BRWD1: variants seen among roughly 807,000 people sequenced by gnomAD.
The protein encoded by BRWD1 is bromodomain and WD repeat domain containing 1, also known as bromodomain and WD repeat-containing protein 1.
A neutral mutation model predicts 251.2 loss-of-function variants in BRWD1; 82 were observed. That is an observed-to-expected ratio of 0.33 (90% CI 0.27 to 0.39). BRWD1 has a LOEUF of 0.39. BRWD1 is among the 10% of genes least tolerant of loss of function. BRWD1 has a pLI of 1.00. For missense variants in BRWD1, 2,233 were observed against 2,711.6 expected (o/e 0.82, Z 3.92); for synonymous variants, 918 against 902.8 (o/e 1.02, Z -0.30).
chr21:39,316,956 A>G (rs2036705334), upstream of BRWD1: 1 of 152,192 alleles, frequency 6.6e-6, no homozygotes, highest in African/African-American at 2.4e-5. Context: ...AGACACGATG[A>G]CATGAGTTTT....
chr21:39,269,664 T>A (rs943353992), intron 15 of BRWD1, among the ~76,000 whole-genome samples: 1 of 152,204 alleles, frequency 6.6e-6, no homozygotes, highest in African/African-American at 2.4e-5. Flanking sequence ...CACAGGCACA[T>A]AAAATGCTCA....
intron 4 of BRWD1, among the ~76,000 whole-genome samples, chr21:39,304,830 T>A (rs1449873766): frequency 1.3e-5 from 2 of 151,844 alleles, no homozygotes; most frequent in African/African-American, 4.8e-5. Context: ...AAGATTATAA[T>A]GAATAAAGCA....
chr21:39,301,395 T>C (rs1368582581), intron 4 of BRWD1, among the ~76,000 whole-genome samples: 1 of 152,186 alleles, frequency 6.6e-6, no homozygotes, highest in African/African-American at 2.4e-5. Context: ...AGCTTTCATC[T>C]TTTGATAACT....
At chr21:39,257,067 T>A (rs908461022) in intron 18 of BRWD1, among the ~76,000 whole-genome samples, 2 of 152,104 alleles carry the variant, frequency 1.3e-5, no homozygotes, top group Admixed American at 6.6e-5. Context: ...AGCATTATTC[T>A]CCAACAATCT....
Position 39,278,803 on chromosome 21 carries a change from G to A in BRWD1, c.943C>T (p.Leu315=). The change falls in exon 10 of 41, where the codon CTG becomes TTG. Residue 315 remains leucine (L), a synonymous_variant. Coordinates refer to ENST00000342449, the MANE Select transcript of BRWD1 (RefSeq NM_033656.4). ...GGCCTAGGCTTTTCAGTGAACTTCA[G>A]GGGACGTGGGCTTTAAAAGAAGAAG... ...LESLKFSPRP[L]KFTEKPRPGV... is the part of the protein sequence containing the mutation. The A allele has an allele frequency of 2.5e-6, 4 of 1,592,808 alleles. No homozygotes were observed. The highest frequency in any genetic ancestry group is 3.4e-6 in the Non-Finnish European group (4 of 1,171,458).
chr21:39,198,889 T>C lies in BRWD1; in HGVS notation c.5527A>G (p.Asn1843Asp), dbSNP rs1393565629. ...CAGTTCAGATTTCCTGAAATTGGGT[T>C]CATTTCCATTTTATGACATTTCCCA... ...EDGKCHKMEM[N>D]PISGNLNCDP... Residue 1843 changes from asparagine to aspartate, a missense_variant, in exon 40 of 41, where the codon AAC becomes GAC. Transcript: ENST00000342449. 9.9e-6 allele frequency: 16 copies of C among 1,614,108 alleles called. No individual in the cohort carries two copies. The highest frequency in any genetic ancestry group is 1.4e-5 in the Non-Finnish European group (16 of 1,180,042).
intron 29 of BRWD1, chr21:39,219,653 A>G (rs1295041594): frequency 1.3e-5 from 2 of 152,250 alleles, no homozygotes; most frequent in Admixed American, 1.3e-4. Flanking sequence ...AAACATATCC[A>G]TTAAGATTCC....
At position 39,202,486 on chromosome 21, in the gene BRWD1, G is replaced by A; in HGVS notation, c.4424C>T (p.Ser1475Phe). 6.2e-7 allele frequency: 1 copy of A among 1,613,912 alleles called. No individual in the cohort carries two copies. The highest frequency in any genetic ancestry group is 8.5e-7 in the Non-Finnish European group (1 of 1,179,848). ...QTKIIPELVG[S>F]PTQSTSSRTA... is the part of the protein sequence containing the mutation. ...CCTACTTGAGGTAGACTGGGTAGGAGAACCTACCAACTCAGGAATTATTTT... is the reference window on the plus strand; with the variant it reads ...CCTACTTGAGGTAGACTGGGTAGGAAAACCTACCAACTCAGGAATTATTTT... The change falls in exon 38 of 41, where the codon TCT (serine) becomes TTT (phenylalanine). Residue 1475 changes from serine (S) to phenylalanine (F), a missense_variant. By Grantham distance (155) the Ser-to-Phe change is radical. This residue lies in a region of BRWD1 where 928 missense variants were observed against 970.0 expected (regional missense o/e 0.96). Coordinates refer to ENST00000342449, the MANE Select transcript of BRWD1 (RefSeq NM_033656.4).
In BRWD1 at chr21:39,250,912, A is replaced by G. The variant is rs193036944; in HGVS notation, c.2256-23T>C. 2.8e-6 allele frequency: 4 copies of G among 1,421,602 alleles called. No individual in the cohort carries two copies. The South Asian group carries it at 3.7e-5, about 13-fold the overall frequency. The allele number at this position is 1,421,602 out of a possible 1,614,324, so 88.1% of individuals were successfully genotyped here. Reference sequence around the variant, plus strand: ...TTCCTACAAATTTAAATACCCAGTTATATTAACTACTGAACTGATGGATAA... The same window carrying G: ...TTCCTACAAATTTAAATACCCAGTTGTATTAACTACTGAACTGATGGATAA... On this transcript the variant is annotated intron_variant, in intron 19 of 40. Transcript: ENST00000342449.
Position 39,199,234 on chromosome 21 carries a change from C to A in BRWD1, c.5182G>T (p.Val1728Leu). 4.3e-6 allele frequency: 7 copies of A among 1,614,162 alleles called. No individual in the cohort carries two copies. The highest frequency in any genetic ancestry group is 5.9e-6 in the Non-Finnish European group (7 of 1,180,034). Residue 1728 changes from valine (V) to leucine (L), a missense_variant, in exon 40 of 41, where the codon GTA (valine) becomes TTA (leucine). Transcript: ENST00000342449. ...RDSESESDLR[V>L]ARKNWHANGY... ...TTAGCATGCCAATTTTTCCGGGCTA[C>A]CCGCAAATCACTTTCTGACTCTGAG...
rs2031307182 is a variant in BRWD1 at position 39,187,481 on chromosome 21, T to C, written c.*8778A>G. The C allele has an allele frequency of 2.0e-6, 3 of 1,494,824 alleles. No homozygotes were observed. In the East Asian group the frequency reaches 6.9e-5, roughly 34 times the overall value. 92.6% of individuals were successfully genotyped at this position (1,494,824 alleles called of 1,614,324 possible). On this transcript the variant is annotated 3_prime_UTR_variant, in exon 41 of 41. Coordinates refer to ENST00000342449, the MANE Select transcript of BRWD1 (RefSeq NM_033656.4). Reference sequence around the variant, plus strand: ...TTGTAACACAAGATTTTACTACTGCTAACATTCCTCAACAACACTCATTCG... The same window carrying C: ...TTGTAACACAAGATTTTACTACTGCCAACATTCCTCAACAACACTCATTCG...
At chr21:39,255,570 T>C in intron 19 of BRWD1, 75 bp downstream of exon 19, 3 of 1,227,642 alleles carry the variant, frequency 2.4e-6, no homozygotes, top group South Asian at 2.7e-5. Context: ...ATTAATGGAA[T>C]ACAGAATGTG....
At chr21:39,201,354 T>C (rs943062657) in intron 38 of BRWD1, among the ~76,000 whole-genome samples, 1 of 152,184 alleles carries the variant, frequency 6.6e-6, no homozygotes, top group African/African-American at 2.4e-5. Flanking sequence ...CCTCTGCACA[T>C]CACTGCCAAA....
At chr21:39,221,154 T>TAA (rs35879682) in intron 29 of BRWD1, among the ~76,000 whole-genome samples, 2,079 of 109,776 alleles carry the variant, frequency 0.019, 30 homozygotes, top group African/African-American at 0.051. Context: ...AACTACATCT[T>TAA]AAAAAAAAAA....
At position 39,189,216 on chromosome 21, in the gene BRWD1, AT is replaced by A. The variant is rs2031414728; in HGVS notation, c.*7042del. ...CTTTATAGTAGGATGAGAATATACTATTATCAACTAGCTGCACCATTTGCAT... is the reference window on the plus strand; with the variant it reads ...CTTTATAGTAGGATGAGAATATACTATATCAACTAGCTGCACCATTTGCAT... On this transcript the variant is annotated 3_prime_UTR_variant, in exon 41 of 41. Coordinates refer to ENST00000342449, the MANE Select transcript of BRWD1 (RefSeq NM_033656.4). 9.1e-6 allele frequency: 9 copies of A among 985,248 alleles called. No individual in the cohort carries two copies. The South Asian group carries it at 3.3e-4, about 36-fold the overall frequency. The allele number at this position is 985,248 out of a possible 1,614,324, so 61.0% of individuals were successfully genotyped here. A position where few individuals can be genotyped will look rare whatever the true frequency, so the allele number is the denominator to read the frequency against.
At chr21:39,274,524 G>A (rs754313456) in intron 12 of BRWD1, 52 bp from the exon 13 acceptor site, 9 of 1,375,232 alleles carry the variant, frequency 6.5e-6, no homozygotes, top group Non-Finnish European at 9.3e-6. Flanking sequence ...TTCCAACAAG[G>A]GCTACAATTA....
intron 36 of BRWD1, among the ~76,000 whole-genome samples, chr21:39,206,681 A>G (rs1009305555): frequency 5.3e-5 from 8 of 152,210 alleles, no homozygotes; most frequent in Admixed American, 5.2e-4. Context: ...AGGGAACAAA[A>G]GCACTTTTAT....
chr21:39,300,376 G>C (rs988507814), intron 4 of BRWD1, among the ~76,000 whole-genome samples: 6 of 152,216 alleles, frequency 3.9e-5, no homozygotes, highest in Non-Finnish European at 5.9e-5. Flanking sequence ...AAAGTTGGCA[G>C]TCAGGTACAA....
intron 7 of BRWD1, 113 bp from the exon 8 acceptor site, chr21:39,294,145 T>C: frequency 5.3e-6 from 4 of 754,050 alleles, no homozygotes; most frequent in Middle Eastern, 3.9e-4. Flanking sequence ...AACTATAGAA[T>C]ACTCTCTTAT....
Sources: allele counts gnomAD v4.1 joint callset (sites outside exome capture counted in the v4.1 genomes callset), GRCh38; gene constraint gnomAD v4.1.1; regional missense constraint gnomAD v4.1.1; transcripts MANE v1.5; gene names NCBI Gene and HGNC (gene_info 2026-07-23, HGNC 2026-07-21).